SLC2A9: variants seen among roughly 807,000 people sequenced by gnomAD.
SLC2A9 encodes the protein solute carrier family 2 member 9, also known as solute carrier family 2, facilitated glucose transporter member 9.
SLC2A9 carries 39 observed loss-of-function variants against 50.6 expected under a neutral mutation model. The ratio of observed to expected loss-of-function variants is 0.77; its 90% CI spans 0.60 to 1.01. SLC2A9 has a LOEUF of 1.01. Among genes scored for constraint, SLC2A9 ranks in the 50% least tolerant of loss-of-function variants. The probability of loss-of-function intolerance (pLI) is 0.00; values close to 1 mark genes in which losing one functional copy is unlikely to be tolerated. For missense variants in SLC2A9, 686 were observed against 677.6 expected, an observed-to-expected ratio of 1.01 and a Z score of -0.14; for synonymous variants, 324 against 276.9, an observed-to-expected ratio of 1.17 and a Z score of -1.69.
intron 10 of SLC2A9, among the ~76,000 whole-genome samples, chr4:9,885,546 G>A (rs548376897): frequency 2.6e-5 from 4 of 152,296 alleles, no homozygotes; most frequent in South Asian, 2.1e-4. Flanking sequence ...GCAGGCTCCC[G>A]TGTTACGCTG....
downstream of SLC2A9, among the ~76,000 whole-genome samples, chr4:9,824,354 G>A (rs895514889): frequency 2.0e-5 from 3 of 152,098 alleles, no homozygotes; most frequent in Non-Finnish European, 4.4e-5. Context: ...CCCAGTTTCA[G>A]GTATTCTGTT....
chr4:9,863,414 C>A (rs984548068), intron 10 of SLC2A9, among the ~76,000 whole-genome samples: 1 of 151,948 alleles, frequency 6.6e-6, no homozygotes, highest in Non-Finnish European at 1.5e-5. Context: ...CCCAAAGTAT[C>A]GGAGCCACTG....
chr4:9,986,141 T>A (rs1756678892), intron 3 of SLC2A9, among the ~76,000 whole-genome samples: 1 of 152,220 alleles, frequency 6.6e-6, no homozygotes, highest in African/African-American at 2.4e-5. Flanking sequence ...ACTCTAGGTA[T>A]TTTAATGGAG....
chr4:9,941,563 T>C (rs751101114), intron 6 of SLC2A9, among the ~76,000 whole-genome samples: 2 of 152,144 alleles, frequency 1.3e-5, no homozygotes, highest in Non-Finnish European at 2.9e-5. Context: ...GCCATGCACC[T>C]AAGCCACTCA....
chr4:9,926,609 C>A (rs947698549), intron 6 of SLC2A9, among the ~76,000 whole-genome samples: 4 of 151,880 alleles, frequency 2.6e-5, no homozygotes, highest in Non-Finnish European at 5.9e-5. Context: ...TCCCTTTCAT[C>A]TTTAGCCTGG....
At chr4:9,987,485 C>T (rs1401527638) in intron 3 of SLC2A9, among the ~76,000 whole-genome samples, 2 of 152,134 alleles carry the variant, frequency 1.3e-5, no homozygotes, top group African/African-American at 2.4e-5. Context: ...TAGCCCTTTA[C>T]GGCTTATTTT....
At chr4:9,994,970 A>C (rs1455542008) in intron 3 of SLC2A9, among the ~76,000 whole-genome samples, 1 of 152,100 alleles carries the variant, frequency 6.6e-6, no homozygotes. Flanking sequence ...AGTGATGCCA[A>C]TCTGAGTGCC....
Position 9,834,952 on chromosome 4 carries a change from C to T in SLC2A9, c.1348G>A (p.Ala450Thr), listed in dbSNP as rs1726784857. The T allele has an allele frequency of 2.5e-6, 4 of 1,614,040 alleles. No homozygotes were observed. The highest frequency in any genetic ancestry group is 3.4e-6 in the Non-Finnish European group (4 of 1,180,012). Residue 450 changes from alanine (A) to threonine (T), a missense_variant, in exon 11 of 12, where the codon GCC (alanine) becomes ACC (threonine). By Grantham distance (58) the Ala-to-Thr change is moderately conservative. Coordinates refer to ENST00000264784, the MANE Select transcript of SLC2A9 (RefSeq NM_020041.3). ...TTGACGGTGCCTGCAATGATGAAGGCAGCCGGCCGCTGAGATTGCTGGAAG... is the reference window on the plus strand; with the variant it reads ...TTGACGGTGCCTGCAATGATGAAGGTAGCCGGCCGCTGAGATTGCTGGAAG... ...EFFQQSQRPA[A>T]FIIAGTVNWL...
At chr4:9,823,473 A>C (rs371590314), downstream of SLC2A9, among the ~76,000 whole-genome samples, 1 of 151,032 alleles carries the variant, frequency 6.6e-6, no homozygotes, top group East Asian at 1.9e-4. Context: ...TGAATATCAT[A>C]TGAACATCGG....
chr4:9,798,923 G>T (rs1231958569), downstream of SLC2A9: 1 of 152,218 alleles, frequency 6.6e-6, no homozygotes, highest in South Asian at 2.1e-4. Flanking sequence ...AAGTTGCCTG[G>T]TGTATGGCAG....
chr4:9,785,882 C>A (rs181665444), intron 3 of SLC2A9, among the ~76,000 whole-genome samples: 1 of 152,100 alleles, frequency 6.6e-6, no homozygotes, highest in South Asian at 2.1e-4. Flanking sequence ...TGCAAAAAAA[C>A]CCAGGGTGAG....
intron 1 of SLC2A9, among the ~76,000 whole-genome samples, chr4:10,027,451 CTTCCA>C (rs1166953236): frequency 1.7e-4 from 26 of 152,194 alleles, no homozygotes; most frequent in Non-Finnish European, 2.9e-5. Context: ...ACTTCCCCAG[CTTCCA>C]TTCTCCCCTC....
chr4:9,960,834 C>T (rs73227855), intron 5 of SLC2A9, among the ~76,000 whole-genome samples: 3 of 152,192 alleles, frequency 2.0e-5, no homozygotes, highest in Non-Finnish European at 4.4e-5. Flanking sequence ...TTGAATGGCA[C>T]TAGAGGATAG....
At chr4:9,891,865 C>A (rs946232242) in intron 8 of SLC2A9, among the ~76,000 whole-genome samples, 7 of 152,188 alleles carry the variant, frequency 4.6e-5, no homozygotes, top group African/African-American at 1.7e-4. Context: ...TTGGCTTGGA[C>A]AAGGGGAAGC....
intron 1 of SLC2A9, among the ~76,000 whole-genome samples, chr4:9,774,697 T>G (rs984319947): frequency 6.6e-6 from 1 of 151,824 alleles, no homozygotes; most frequent in Non-Finnish European, 1.5e-5. Flanking sequence ...GAAATCATTT[T>G]CTCTCTCTCT....
intron 3 of SLC2A9, among the ~76,000 whole-genome samples, chr4:9,816,431 T>C (rs908807006): frequency 6.6e-6 from 1 of 152,188 alleles, no homozygotes; most frequent in Admixed American, 6.5e-5. Flanking sequence ...GTTTCAGTTA[T>C]GCAGCATGAA....
chr4:9,790,925 T>C (rs1719838214), intron 3 of SLC2A9, among the ~76,000 whole-genome samples: 1 of 152,260 alleles, frequency 6.6e-6, no homozygotes, highest in Non-Finnish European at 1.5e-5. Context: ...TAACAATGAA[T>C]ACATCTAATT....
chr4:10,020,316 T>G (rs1265498322), intron 1 of SLC2A9, among the ~76,000 whole-genome samples: 1 of 152,072 alleles, frequency 6.6e-6, no homozygotes, highest in Non-Finnish European at 1.5e-5. Flanking sequence ...CCCTCAGCTG[T>G]AGGAGTCTGA....
chr4:9,839,178 GACATGA>G (rs1314330666), intron 10 of SLC2A9, among the ~76,000 whole-genome samples: 1 of 152,002 alleles, frequency 6.6e-6, no homozygotes, highest in Non-Finnish European at 1.5e-5. Flanking sequence ...GCAGGCAAAG[GACATGA>G]ACACTTTTCA....
Sources: gnomAD v4.1 joint callset for allele counts (sites outside exome capture counted in the v4.1 genomes callset) on GRCh38, gnomAD v4.1.1 for gene constraint, MANE v1.5 for transcripts, NCBI Gene and HGNC (gene_info 2026-07-23, HGNC 2026-07-21) for gene names.